OXR1: variants seen among roughly 807,000 people sequenced by gnomAD.
OXR1 encodes oxidation resistance protein 1.
In OXR1, 41 loss-of-function variants were observed where a neutral mutation model predicts 104.6. The observed-to-expected ratio is 0.39, with a 90% confidence interval of 0.31 to 0.51. OXR1 has a LOEUF of 0.51. Ranked by LOEUF, OXR1 falls within the 20% of genes least tolerant of loss-of-function variation. The pLI, the probability that OXR1 is intolerant of heterozygous loss-of-function variation, is 0.77. For synonymous variants in OXR1, 348 were observed against 348.4 expected, an observed-to-expected ratio of 1.00 and a Z score of 0.01; for missense variants, 955 against 1,031.9, an observed-to-expected ratio of 0.93 and a Z score of 1.02.
At chr8:106,642,438 A>G (rs1823727888) in intron 3 of OXR1, among the ~76,000 whole-genome samples, 1 of 152,178 alleles carries the variant, frequency 6.6e-6, no homozygotes, top group Non-Finnish European at 1.5e-5. Flanking sequence ...TCAAGGACCT[A>G]GGTACCTTCT....
chr8:106,448,954 C>G (rs1820158620), intron 2 of OXR1, among the ~76,000 whole-genome samples: 1 of 151,938 alleles, frequency 6.6e-6, no homozygotes, highest in East Asian at 1.9e-4. Context: ...CTATTTTGTT[C>G]TCTGGTATAA....
intron 3 of OXR1, among the ~76,000 whole-genome samples, chr8:106,620,058 A>G (rs1014425359): frequency 3.9e-5 from 6 of 152,104 alleles, no homozygotes; most frequent in Non-Finnish European, 8.8e-5. Context: ...ATAGCAATGA[A>G]TATTTCATAT....
intron 3 of OXR1, among the ~76,000 whole-genome samples, chr8:106,537,663 C>T (rs1586777244): frequency 1.4e-5 from 2 of 138,856 alleles, no homozygotes; most frequent in East Asian, 2.1e-4. Context: ...CATATGTACC[C>T]TAGAACTTAA....
At chr8:106,629,104 A>T (rs769018155) in intron 3 of OXR1, among the ~76,000 whole-genome samples, 1 of 152,156 alleles carries the variant, frequency 6.6e-6, no homozygotes, top group Non-Finnish European at 1.5e-5. Context: ...CCACCCTCCA[A>T]ACTTGAGAGA....
intron 7 of OXR1, among the ~76,000 whole-genome samples, chr8:106,695,417 C>CTT (rs1183000652): frequency 2.8e-5 from 4 of 141,458 alleles, no homozygotes; most frequent in Admixed American, 7.1e-5. Context: ...TGTATATTTT[C>CTT]TTTTTTTTTT....
intron 3 of OXR1, among the ~76,000 whole-genome samples, chr8:106,580,629 T>A (rs537925397): frequency 2.6e-5 from 4 of 152,316 alleles, no homozygotes; most frequent in Non-Finnish European, 5.9e-5. Context: ...TTTATTTTTT[T>A]AATTTTTTGA....
At chr8:106,570,586 T>C (rs1299216917) in intron 3 of OXR1, among the ~76,000 whole-genome samples, 2 of 152,134 alleles carry the variant, frequency 1.3e-5, no homozygotes. Flanking sequence ...TTGAGACTGT[T>C]CTCTCTTCTG....
At chr8:106,386,361 G>T (rs974972654) in intron 2 of OXR1, among the ~76,000 whole-genome samples, 4 of 152,182 alleles carry the variant, frequency 2.6e-5, no homozygotes, top group Non-Finnish European at 5.9e-5. Context: ...ACTCTGAATA[G>T]GGTAGAGAGG....
intron 2 of OXR1, among the ~76,000 whole-genome samples, chr8:106,409,360 G>A (rs567055562): frequency 1.3e-3 from 193 of 152,230 alleles, no homozygotes; most frequent in Non-Finnish European, 2.0e-3. Context: ...AGTGACTCTG[G>A]AGGCTGAGAC....
At chr8:106,733,636 G>A (rs998030140) in intron 11 of OXR1, among the ~76,000 whole-genome samples, 12 of 151,022 alleles carry the variant, frequency 7.9e-5, no homozygotes, top group Non-Finnish European at 1.3e-4. Flanking sequence ...GTGAAACCCC[G>A]TCTCTACAAA....
chr8:106,294,616 AAGAG>A (rs1222930237), intron 1 of OXR1, among the ~76,000 whole-genome samples: 1 of 151,818 alleles, frequency 6.6e-6, no homozygotes, highest in African/African-American at 2.4e-5. Flanking sequence ...GAGAGACAGA[AAGAG>A]AGAGAGAAAG....
intron 2 of OXR1, among the ~76,000 whole-genome samples, chr8:106,377,419 C>CA (rs1330418929): frequency 6.6e-6 from 1 of 152,136 alleles, no homozygotes; most frequent in Non-Finnish European, 1.5e-5. Context: ...CTCCTGGCTT[C>CA]AAGCAATCCT....
At chr8:106,715,951 G>A (rs1034936171) in intron 11 of OXR1, among the ~76,000 whole-genome samples, 5 of 152,114 alleles carry the variant, frequency 3.3e-5, no homozygotes, top group Non-Finnish European at 7.4e-5. Flanking sequence ...AAATATTACC[G>A]CAGTATCCAG....
chr8:106,308,027 T>TAC (rs371216720), intron 1 of OXR1, among the ~76,000 whole-genome samples: 1 of 148,826 alleles, frequency 6.7e-6, no homozygotes, highest in Non-Finnish European at 1.5e-5. Context: ...CACACACACA[T>TAC]ACACACACAC....
At chr8:106,383,689 G>T (rs1237099521) in intron 2 of OXR1, among the ~76,000 whole-genome samples, 1 of 152,184 alleles carries the variant, frequency 6.6e-6, no homozygotes, top group Non-Finnish European at 1.5e-5. Context: ...TCTGGTGAAA[G>T]AGATAGATAT....
intron 2 of OXR1, among the ~76,000 whole-genome samples, chr8:106,457,113 G>T (rs1213207695): frequency 2.0e-5 from 3 of 152,272 alleles, no homozygotes; most frequent in East Asian, 3.9e-4. Flanking sequence ...GTGCCAGTCA[G>T]TGTGCCAATC....
At chr8:106,402,125 C>T (rs746179624) in intron 2 of OXR1, among the ~76,000 whole-genome samples, 17 of 152,166 alleles carry the variant, frequency 1.1e-4, no homozygotes, top group East Asian at 1.9e-4. Flanking sequence ...TCTGGCACAA[C>T]AGCTGCAATT....
At chr8:106,698,128 A>C in intron 7 of OXR1, 1 of 645,246 alleles carries the variant, frequency 1.5e-6, no homozygotes, top group Non-Finnish European at 2.8e-6. Flanking sequence ...TTTTCTACCC[A>C]GATATCCTCT....
intron 7 of OXR1, chr8:106,697,842 C>T (rs573202135): frequency 6.2e-7 from 1 of 1,612,502 alleles, no homozygotes; most frequent in Non-Finnish European, 8.5e-7. Flanking sequence ...CCGTGCCATC[C>T]TTGAGCCAGT....
Sources: gnomAD v4.1 joint callset for allele counts (sites outside exome capture counted in the v4.1 genomes callset) on GRCh38, gnomAD v4.1.1 for gene constraint, MANE v1.5 for transcripts, NCBI Gene and HGNC (gene_info 2026-07-23, HGNC 2026-07-21) for gene names.